The following OPRM1 variants were observed in gnomAD, a reference collection of about 807,000 sequenced individuals.
The protein encoded by OPRM1 is opioid receptor mu 1, also known as mu-type opioid receptor.
OPRM1 carries 27 observed loss-of-function variants against 31.8 expected under a neutral mutation model. The ratio of observed to expected loss-of-function variants is 0.85; its 90% CI spans 0.63 to 1.17. The LOEUF is 1.17. Ranked by LOEUF, OPRM1 falls within the 50% of genes most tolerant of loss-of-function variation. The pLI, the probability that OPRM1 is intolerant of heterozygous loss-of-function variation, is 0.00. For synonymous variants in OPRM1, 196 were observed against 189.9 expected (o/e 1.03, Z -0.26); for missense variants, 536 against 511.1 (o/e 1.05, Z -0.47).
Position 154,200,069 on chromosome 6 carries a change from G to T in OPRM1, c.1165-46624G>T, listed in dbSNP as rs779256570. 7 of 1,556,022 alleles carry T rather than the reference G, an allele frequency of 4.5e-6. No homozygotes were observed. The South Asian group carries it at 4.9e-5, about 11-fold the overall frequency. ...TTTTTCACAAATAAAACCAAAAAAA[G>T]AATAAAAGACATCATGATTAAACCA... On this transcript the variant is annotated intron_variant, in intron 3 of 3. Coordinates refer to the OPRM1 transcript ENST00000337049.
At chr6:154,030,811 G>A (rs2128387232) in intron 1 of OPRM1, among the ~76,000 whole-genome samples, 1 of 152,226 alleles carries the variant, frequency 6.6e-6, no homozygotes, top group South Asian at 2.1e-4. Flanking sequence ...CTGAAAAGAG[G>A]AAACATTCTA....
intron 1 of OPRM1, among the ~76,000 whole-genome samples, chr6:154,049,051 C>A (rs568691467): frequency 6.6e-6 from 1 of 152,110 alleles, no homozygotes; most frequent in South Asian, 2.1e-4. Context: ...CTAATGCATT[C>A]GTAACCTTGT....
chr6:154,246,652 T>C (rs202023134), intron 3 of OPRM1: 14 of 1,614,096 alleles, frequency 8.7e-6, no homozygotes, highest in Non-Finnish European at 1.1e-5. Flanking sequence ...CTTTTTCCAT[T>C]TGTTGCTTAG....
At chr6:154,152,343 G>GGAAGA in intron 3 of OPRM1, among the ~76,000 whole-genome samples, 1 of 20,498 alleles carries the variant, frequency 4.9e-5, no homozygotes, top group South Asian at 1.7e-3. Context: ...AAGAAAGAAA[G>GGAAGA]AAAGGAAAGA....
At chr6:154,070,146 C>T (rs910988543) in intron 1 of OPRM1, among the ~76,000 whole-genome samples, 6 of 152,346 alleles carry the variant, frequency 3.9e-5, no homozygotes, top group Non-Finnish European at 7.3e-5. Flanking sequence ...ATTTGGATGA[C>T]ATGGTTCTTA....
rs1562489534 is a variant in OPRM1 at position 154,119,524 on chromosome 6, C to T, written c.*803C>T. The T allele has an allele frequency of 5.4e-6, 4 of 736,928 alleles. No homozygotes were observed. In the East Asian group the frequency reaches 3.9e-4, roughly 72 times the overall value. The allele number at this position is 736,928 out of a possible 1,614,324, so 45.6% of individuals were successfully genotyped here. ...TTCACAAAAGGTAATAGTCAATGAG[C>T]TCATCACTTCATCCATGCAGGAAGT... On this transcript the variant is annotated 3_prime_UTR_variant, in exon 4 of 4. Coordinates refer to ENST00000330432, the MANE Select transcript of OPRM1 (RefSeq NM_000914.5).
At chr6:154,160,452 T>C (rs1419496321) in intron 3 of OPRM1, among the ~76,000 whole-genome samples, 1 of 152,222 alleles carries the variant, frequency 6.6e-6, no homozygotes, top group African/African-American at 2.4e-5. Context: ...ACCTAGGACA[T>C]ATGGCAACAT....
At chr6:154,140,097 C>T (rs1016584487) in intron 3 of OPRM1, among the ~76,000 whole-genome samples, 1 of 152,166 alleles carries the variant, frequency 6.6e-6, no homozygotes, top group Non-Finnish European at 1.5e-5. Context: ...ACTCAGTTTT[C>T]TTCTCAAAGC....
intron 1 of OPRM1, among the ~76,000 whole-genome samples, chr6:154,013,038 G>GGA (rs1476918967): frequency 1.3e-5 from 2 of 152,052 alleles, no homozygotes; most frequent in African/African-American, 4.8e-5. Context: ...CAGGGCTGGG[G>GGA]GGGTACACAA....
At chr6:154,107,617 GCTGA>G (rs1457867815) in intron 3 of OPRM1, 8 of 718,316 alleles carry the variant, frequency 1.1e-5, no homozygotes, top group African/African-American at 3.5e-5. Context: ...GATTTTTAGA[GCTGA>G]CTATGACATG....
At chr6:154,216,023 T>G (rs1159282847) in intron 3 of OPRM1, among the ~76,000 whole-genome samples, 1 of 152,192 alleles carries the variant, frequency 6.6e-6, no homozygotes, top group African/African-American at 2.4e-5. Flanking sequence ...TTTGTTGAAT[T>G]AAACATGAAA....
chr6:154,095,034 G>A (rs1190921361), intron 3 of OPRM1, among the ~76,000 whole-genome samples: 1 of 152,214 alleles, frequency 6.6e-6, no homozygotes, highest in Non-Finnish European at 1.5e-5. Context: ...GCTCATGCCT[G>A]TAATCCCAGC....
intron 3 of OPRM1, among the ~76,000 whole-genome samples, chr6:154,229,863 G>A (rs918552230): frequency 6.6e-6 from 1 of 152,178 alleles, no homozygotes; most frequent in Non-Finnish European, 1.5e-5. Flanking sequence ...ACAGCCATAC[G>A]ACGAAATGCT....
At chr6:154,165,439 CT>C (rs1799349537) in intron 3 of OPRM1, among the ~76,000 whole-genome samples, 1 of 152,206 alleles carries the variant, frequency 6.6e-6, no homozygotes, top group Non-Finnish European at 1.5e-5. Context: ...GGTTGATGCA[CT>C]TTGCTTTTGT....
intron 3 of OPRM1, among the ~76,000 whole-genome samples, chr6:154,204,322 C>A (rs1379682409): frequency 6.6e-6 from 1 of 152,058 alleles, no homozygotes. Flanking sequence ...AGAAGTGAGT[C>A]AGCATAGAAA....
intron 1 of OPRM1, among the ~76,000 whole-genome samples, chr6:154,075,187 A>G (rs1470705393): frequency 6.6e-6 from 1 of 152,236 alleles, no homozygotes. Context: ...ACATTTTCAA[A>G]GTGAACAAAA....
At chr6:154,196,312 C>T (rs768121858) in intron 3 of OPRM1, among the ~76,000 whole-genome samples, 3 of 152,168 alleles carry the variant, frequency 2.0e-5, no homozygotes, top group Non-Finnish European at 2.9e-5. Context: ...AGATTGTGTA[C>T]AATTTTGTTA....
chr6:154,117,619 G>C (rs17174913), intron 3 of OPRM1, among the ~76,000 whole-genome samples: 2,906 of 152,234 alleles, frequency 0.019, 99 homozygotes, highest in African/African-American at 0.064. Flanking sequence ...GCCACATCAT[G>C]GTCAGTGCTG....
chr6:154,082,924 A>C (rs1487667502), intron 1 of OPRM1, among the ~76,000 whole-genome samples: 1 of 152,224 alleles, frequency 6.6e-6, no homozygotes, highest in Non-Finnish European at 1.5e-5. Flanking sequence ...ATGTCAGAGA[A>C]TATAACATAG....
Sources: allele counts gnomAD v4.1 joint callset (sites outside exome capture counted in the v4.1 genomes callset), GRCh38; gene constraint gnomAD v4.1.1; transcripts MANE v1.5; gene names NCBI Gene and HGNC (gene_info 2026-07-23, HGNC 2026-07-21).